The following KIDINS220 variants were observed in gnomAD, a reference collection of about 807,000 sequenced individuals.
KIDINS220 encodes the protein kinase D-interacting substrate of 220 kDa.
A neutral mutation model predicts 157.6 loss-of-function variants in KIDINS220; 63 were observed. The ratio of observed to expected loss-of-function variants is 0.40; its 90% CI spans 0.33 to 0.49. The LOEUF (loss-of-function observed/expected upper bound fraction) is 0.49, where lower values mean the gene tolerates loss of function less well. KIDINS220 is among the 20% of genes least tolerant of loss of function. The probability of loss-of-function intolerance (pLI) is 0.66; values close to 1 mark genes in which losing one functional copy is unlikely to be tolerated. For missense variants in KIDINS220, 1,772 were observed against 2,171.2 expected, an observed-to-expected ratio of 0.82 and a Z score of 3.65; for synonymous variants, 732 against 783.6, an observed-to-expected ratio of 0.93 and a Z score of 1.10.
chr2:8,791,136 G>A lies in KIDINS220; in HGVS notation c.1365C>T (p.Thr455=), dbSNP rs1315682621. The change falls in exon 13 of 30, where the codon ACC becomes ACT. Residue 455 remains threonine, a synonymous_variant. Transcript: ENST00000256707. The part of the protein sequence containing the change: ...SALADILSEP[T]MQPPICVGLY... The stretch of plus-strand genomic sequence containing the variant: ...ACCCCACACAAATGGGTGGCTGCAT[G>A]GTAGGCTCACTGAGAATATCTGCCA... The A allele has an allele frequency of 6.2e-7, 1 of 1,614,054 alleles. No homozygotes were observed. The highest frequency in any genetic ancestry group is 1.7e-5 in the Admixed American group (1 of 60,018).
At chr2:8,836,100 A>ATCTC (rs1680347912) in intron 1 of KIDINS220, among the ~76,000 whole-genome samples, 3 of 152,136 alleles carry the variant, frequency 2.0e-5, no homozygotes, top group African/African-American at 7.2e-5. Flanking sequence ...CAGAAGAGAT[A>ATCTC]TTCTGGATAT....
At chr2:8,721,864 T>C (rs946055504), downstream of KIDINS220, 1 of 152,200 alleles carries the variant, frequency 6.6e-6, no homozygotes, top group African/African-American at 2.4e-5. Context: ...GCAGTTGTCA[T>C]GAAGATCAAA....
Position 8,776,902 on chromosome 2 carries a change from C to T in KIDINS220, c.2704-10G>A, listed in dbSNP as rs2148196632. ...TTCTTCGGTAAGTGTCCTGAAACAG[C>T]ACGTCGTCAGTGAGAAGGAACCCAC... On this transcript the variant is annotated splice_polypyrimidine_tract_variant and intron_variant, in intron 20 of 29. Transcript: ENST00000256707. 2.1e-5 allele frequency: 34 copies of T among 1,612,340 alleles called. No homozygotes were observed. The highest frequency in any genetic ancestry group is 2.7e-5 in the Non-Finnish European group (32 of 1,179,220).
chr2:8,786,508 T>A, intron 15 of KIDINS220, 151 bp from the exon 16 acceptor site: 1 of 681,832 alleles, frequency 1.5e-6, no homozygotes, highest in Non-Finnish European at 2.5e-6. Context: ...AAAGAATTTG[T>A]AATTAGGTAG....
chr2:8,776,344 G>A (rs1670952912), intron 21 of KIDINS220, among the ~76,000 whole-genome samples: 1 of 151,824 alleles, frequency 6.6e-6, no homozygotes, highest in Non-Finnish European at 1.5e-5. Flanking sequence ...CAGGCACAGG[G>A]CAATAATCCT....
Position 8,751,454 on chromosome 2 carries a change from A to C in KIDINS220, c.3190+12T>G. On this transcript the variant is annotated intron_variant, in intron 23 of 29. Transcript: ENST00000256707. Reference sequence around the variant, plus strand: ...CTTTAGATGAAAAATTAAATTTACTACTAATACCCACCTGCAATAATTTCC... The same window carrying C: ...CTTTAGATGAAAAATTAAATTTACTCCTAATACCCACCTGCAATAATTTCC... The C allele has an allele frequency of 1.3e-6, 2 of 1,587,010 alleles. No individual in the cohort carries two copies. Among genetic ancestry groups the C allele is most frequent in the Non-Finnish European group, 1.7e-6 (2 of 1,166,106 alleles).
rs377453269 is a variant in KIDINS220, at chr2:8,731,284, C to T, written c.4752G>A (p.Ser1584=). ...SDALLDKKDS[S]DSGVRSSESS... Reference sequence around the variant, plus strand: ...TTTCACTGGATCTCACTCCTGAATCCGATGAATCCTTTTTGTCAAGGAGCG... The same window carrying T: ...TTTCACTGGATCTCACTCCTGAATCTGATGAATCCTTTTTGTCAAGGAGCG... The change falls in exon 30 of 30, where the codon TCG becomes TCA. Residue 1584 remains serine (S), a synonymous_variant. Transcript: ENST00000256707. This position sits in a 1 kb window ranked among gnomAD's most constrained non-coding sequence, Gnocchi z 5.2. The T allele has an allele frequency of 1.0e-4, 161 of 1,614,052 alleles. No homozygotes were observed. Among genetic ancestry groups the T allele is most frequent in the East Asian group, 9.6e-4 (43 of 44,882 alleles).
chr2:8,798,164 A>G (rs768793156), intron 10 of KIDINS220, 38 bp downstream of exon 10: 2 of 1,200,350 alleles, frequency 1.7e-6, no homozygotes, highest in South Asian at 2.4e-5. Context: ...AACATTCAGC[A>G]TAAGGTGCTG....
intron 26 of KIDINS220, among the ~76,000 whole-genome samples, chr2:8,738,641 A>G (rs1028180239): frequency 3.3e-5 from 5 of 152,372 alleles, no homozygotes; most frequent in African/African-American, 1.2e-4. Context: ...TCTACAAAAT[A>G]ACTAACCAGT....
intron 12 of KIDINS220, 77 bp downstream of exon 12, chr2:8,793,729 ATGCC>A: frequency 7.6e-7 from 1 of 1,310,384 alleles, no homozygotes; most frequent in Non-Finnish European, 1.0e-6. Context: ...ATGAGCCACC[ATGCC>A]TGGCCTTATT....
intron 26 of KIDINS220, among the ~76,000 whole-genome samples, chr2:8,740,713 C>T (rs1572444673): frequency 6.6e-6 from 1 of 152,240 alleles, no homozygotes; most frequent in East Asian, 1.9e-4. Flanking sequence ...ATAAGAATGG[C>T]CCCAAGAGGC....
chr2:8,836,585 C>G (rs968765403), intron 1 of KIDINS220, among the ~76,000 whole-genome samples: 2 of 152,212 alleles, frequency 1.3e-5, no homozygotes, highest in African/African-American at 4.8e-5. Flanking sequence ...TGAAAGTAGT[C>G]CATGCTAGTA....
downstream of KIDINS220, chr2:8,725,347 G>A (rs898342340): frequency 6.6e-6 from 1 of 152,166 alleles, no homozygotes; most frequent in African/African-American, 2.4e-5. Flanking sequence ...CAGGTTATAT[G>A]GAGCTTATTC....
At position 8,745,629 on chromosome 2, in the gene KIDINS220, G is replaced by A. The variant is rs142274326; in HGVS notation, c.3585+1516C>T. On this transcript the variant is annotated intron_variant, in intron 26 of 29. Coordinates refer to ENST00000256707, the MANE Select transcript of KIDINS220 (RefSeq NM_020738.4). ...CTGGCCAACATGGTGAAACCCCATC[G>A]CTACTACAAAAACACAAAAATTAGC... Among the ~76,000 whole-genome samples the A allele has an allele frequency of 2.0e-4, 30 of 152,010 alleles. No individual in the cohort carries two copies. In the East Asian group the frequency reaches 5.8e-3, roughly 30 times the overall value.
chr2:8,774,641 C>T (rs1364856274), intron 21 of KIDINS220, among the ~76,000 whole-genome samples: 1 of 151,902 alleles, frequency 6.6e-6, no homozygotes, highest in Non-Finnish European at 1.5e-5. Flanking sequence ...GCAGGAGGAG[C>T]CTTTTGATGG....
chr2:8,766,983 A>G (rs1669574914), intron 22 of KIDINS220, among the ~76,000 whole-genome samples: 1 of 152,232 alleles, frequency 6.6e-6, no homozygotes, highest in Non-Finnish European at 1.5e-5. Flanking sequence ...GGCTATATTT[A>G]TACAAGGTTT....
intron 26 of KIDINS220, among the ~76,000 whole-genome samples, chr2:8,740,552 A>G (rs1367412717): frequency 2.0e-5 from 3 of 152,252 alleles, no homozygotes; most frequent in African/African-American, 7.2e-5. Flanking sequence ...TTAATTTAAA[A>G]ACATTGAATA....
At chr2:8,727,074 T>C, downstream of KIDINS220, 1 of 995,678 alleles carries the variant, frequency 1.0e-6, no homozygotes, top group South Asian at 1.5e-5. Flanking sequence ...TCTATACGTT[T>C]CTATTTTTCA....
chr2:8,764,749 C>T (rs1019304623), intron 22 of KIDINS220, among the ~76,000 whole-genome samples: 3 of 152,172 alleles, frequency 2.0e-5, no homozygotes, highest in East Asian at 3.8e-4. Context: ...TACCACCTCC[C>T]CAATTCATGC....
Sources: allele counts gnomAD v4.1 joint callset (sites outside exome capture counted in the v4.1 genomes callset), GRCh38; gene constraint gnomAD v4.1.1; non-coding constraint Gnocchi (gnomAD v3.1); transcripts MANE v1.5; gene names NCBI Gene and HGNC (gene_info 2026-07-23, HGNC 2026-07-21).